Variants in C19orf38 observed in about 807,000 individuals in gnomAD.
C19orf38 encodes the protein chromosome 19 open reading frame 38.
C19orf38 carries 14 observed loss-of-function variants against 26.6 expected under a neutral mutation model. The ratio of observed to expected loss-of-function variants is 0.53; its 90% CI spans 0.35 to 0.82. The LOEUF (loss-of-function observed/expected upper bound fraction) is 0.82, where lower values mean the gene tolerates loss of function less well. Ranked by LOEUF, C19orf38 falls within the 40% of genes least tolerant of loss-of-function variation. The pLI, the probability that C19orf38 is intolerant of heterozygous loss-of-function variation, is 0.01. For synonymous variants in C19orf38, 132 were observed against 128.5 expected (o/e 1.03, Z -0.18); for missense variants, 261 against 299.5 (o/e 0.87, Z 0.95).
intron 1 of C19orf38, among the ~76,000 whole-genome samples, chr19:10,838,742 T>G (rs1328406785): frequency 1.3e-5 from 2 of 150,638 alleles, no homozygotes; most frequent in East Asian, 1.9e-4. Flanking sequence ...TACAGGGGGG[T>G]TTATAGATGA....
chr19:10,846,869 C>A (rs2146246200), upstream of C19orf38, among the ~76,000 whole-genome samples: 1 of 152,272 alleles, frequency 6.6e-6, no homozygotes, highest in Middle Eastern at 3.4e-3. Flanking sequence ...CCAGAGGGGC[C>A]TGGAAAGTTT....
chr19:10,844,993 C>CAAAAAAAAA (rs57500129), upstream of C19orf38, among the ~76,000 whole-genome samples: 226 of 95,804 alleles, frequency 2.4e-3, 2 homozygotes, highest in African/African-American at 8.1e-3. Context: ...CCTTTCTCTA[C>CAAAAAAAAA]AAAAAAAAAA....
At chr19:10,869,124 G>T in intron 6 of C19orf38, 94 bp from the exon 7 acceptor site, 1 of 1,477,756 alleles carries the variant, frequency 6.8e-7, no homozygotes. Context: ...GAGACCTGCT[G>T]GGCTGGCAGA....
chr19:10,868,335 G>A (rs1406412253), intron 6 of C19orf38, among the ~76,000 whole-genome samples: 2 of 152,168 alleles, frequency 1.3e-5, no homozygotes, highest in African/African-American at 4.8e-5. Context: ...GGAGGGACAG[G>A]ACTGTGGGTG....
intron 2 of C19orf38, among the ~76,000 whole-genome samples, chr19:10,855,755 A>G (rs1429768916): frequency 6.6e-6 from 1 of 151,838 alleles, no homozygotes; most frequent in African/African-American, 2.4e-5. Context: ...GTCTCGATCT[A>G]CTGACCTAGT....
chr19:10,865,409 A>C (rs766084700), intron 6 of C19orf38, among the ~76,000 whole-genome samples: 23 of 152,096 alleles, frequency 1.5e-4, no homozygotes, highest in Non-Finnish European at 2.8e-4. Flanking sequence ...GGCCTCCCAA[A>C]GTGCTGGGAT....
chr19:10,854,081 G>A lies in C19orf38; in HGVS notation c.341-2184G>A, dbSNP rs1343586601. On this transcript the variant is annotated intron_variant, in intron 2 of 6. Coordinates refer to ENST00000397820, the MANE Select transcript of C19orf38 (RefSeq NM_001136482.3). The stretch of plus-strand genomic sequence containing the variant: ...AAACTTTTTTTTTTTTTTAATTTTT[G>A]AGACAGAGTCTCACTCTGTCGCCCA... 2.1e-5 allele frequency among the ~76,000 whole-genome samples: 3 copies of A among 145,116 alleles called. No homozygotes were observed. The East Asian group carries it at 6.2e-4, about 30-fold the overall frequency.
chr19:10,863,849 G>A (rs1289220434), intron 6 of C19orf38, among the ~76,000 whole-genome samples: 3 of 152,116 alleles, frequency 2.0e-5, no homozygotes, highest in Admixed American at 6.6e-5. Context: ...GGAGGTGGAG[G>A]TAGCAGTGAG....
chr19:10,860,025 A>G, intron 5 of C19orf38, 67 bp downstream of exon 5: 1 of 1,438,928 alleles, frequency 6.9e-7, no homozygotes, highest in Non-Finnish European at 9.6e-7. Flanking sequence ...ATCAGGCCTC[A>G]TCACACACCA....
At chr19:10,848,333 G>C (rs532876854), upstream of C19orf38, 1 of 633,194 alleles carries the variant, frequency 1.6e-6, no homozygotes, top group South Asian at 1.8e-5. Context: ...GGGGAGGGGA[G>C]AGAGTCCCTT....
At chr19:10,838,975 C>T (rs966216377) in intron 1 of C19orf38, among the ~76,000 whole-genome samples, 6 of 150,678 alleles carry the variant, frequency 4.0e-5, no homozygotes, top group Admixed American at 1.3e-4. Flanking sequence ...AGTGCAGTGG[C>T]GTGACCTAGG....
intron 5 of C19orf38, among the ~76,000 whole-genome samples, chr19:10,860,351 G>A (rs1362108983): frequency 6.6e-6 from 1 of 151,788 alleles, no homozygotes; most frequent in Non-Finnish European, 1.5e-5. Flanking sequence ...GGCCAACATA[G>A]TGAAACCCCG....
chr19:10,842,264 C>CA, intron 1 of C19orf38: 3 of 881,290 alleles, frequency 3.4e-6, no homozygotes, highest in South Asian at 1.5e-5. Context: ...GAATAAAATA[C>CA]TTTTTTTTTT....
intron 3 of C19orf38, among the ~76,000 whole-genome samples, chr19:10,857,598 G>A (rs1488297465): frequency 2.0e-5 from 3 of 150,964 alleles, no homozygotes; most frequent in African/African-American, 7.3e-5. Context: ...ATTTTTAGTG[G>A]AGACAGGGTT....
chr19:10,865,428 T>A (rs933641765), intron 6 of C19orf38, among the ~76,000 whole-genome samples: 2 of 152,054 alleles, frequency 1.3e-5, no homozygotes, highest in African/African-American at 4.8e-5. Flanking sequence ...ATTACAGGCA[T>A]GAGCCACCAT....
chr19:10,853,659 G>A (rs1298680706), intron 2 of C19orf38, among the ~76,000 whole-genome samples: 16 of 145,258 alleles, frequency 1.1e-4, no homozygotes, highest in Non-Finnish European at 1.9e-4. Context: ...GCACGATCTC[G>A]GCTCACTGCA....
chr19:10,843,833 T>G (rs1384153467), upstream of C19orf38, among the ~76,000 whole-genome samples: 1 of 152,200 alleles, frequency 6.6e-6, no homozygotes, highest in Non-Finnish European at 1.5e-5. Context: ...TAAGATATCA[T>G]GAAGGCTGGG....
intron 2 of C19orf38, among the ~76,000 whole-genome samples, chr19:10,852,513 G>A (rs1236727199): frequency 6.6e-6 from 1 of 152,236 alleles, no homozygotes; most frequent in African/African-American, 2.4e-5. Flanking sequence ...AAGTAGAGTA[G>A]GGCAATCAGG....
At chr19:10,857,889 A>C (rs889710282) in intron 3 of C19orf38, among the ~76,000 whole-genome samples, 2 of 120,640 alleles carry the variant, frequency 1.7e-5, no homozygotes, top group African/African-American at 6.5e-5. Context: ...TCAAAAAACA[A>C]CAAAAAAAGA....
Sources: allele counts gnomAD v4.1 joint callset (sites outside exome capture counted in the v4.1 genomes callset), GRCh38; gene constraint gnomAD v4.1.1; transcripts MANE v1.5; gene names NCBI Gene and HGNC (gene_info 2026-07-23, HGNC 2026-07-21).